HDAC9: variants seen among roughly 807,000 people sequenced by gnomAD.
HDAC9 encodes histone deacetylase 9.
In HDAC9, 41 loss-of-function variants were observed where a neutral mutation model predicts 139.4. That is an observed-to-expected ratio of 0.29 (90% CI 0.23 to 0.38). HDAC9 has a LOEUF of 0.38. Among genes scored for constraint, HDAC9 ranks in the 10% least tolerant of loss-of-function variants. The pLI, the probability that HDAC9 is intolerant of heterozygous loss-of-function variation, is 1.00. For synonymous variants in HDAC9, 517 were observed against 476.2 expected, an observed-to-expected ratio of 1.09 and a Z score of -1.12; for missense variants, 1,147 against 1,297.0, an observed-to-expected ratio of 0.88 and a Z score of 1.78.
At chr7:18,363,114 T>C (rs973343) in intron 1 of HDAC9, among the ~76,000 whole-genome samples, 3,788 of 152,250 alleles carry the variant, frequency 0.025, 68 homozygotes, top group Middle Eastern at 0.037. Context: ...ATTACAACCA[T>C]TAGTTATAAT....
chr7:18,289,531 T>C (rs1035827115), upstream of HDAC9, among the ~76,000 whole-genome samples: 1 of 152,188 alleles, frequency 6.6e-6, no homozygotes, highest in African/African-American at 2.4e-5. Flanking sequence ...TCCTAGCCAA[T>C]CAAAAGCAAG....
intron 2 of HDAC9, among the ~76,000 whole-genome samples, chr7:18,205,649 G>GA (rs1160172823): frequency 6.6e-6 from 1 of 151,982 alleles, no homozygotes; most frequent in Non-Finnish European, 1.5e-5. Context: ...AAATAACTTA[G>GA]AAAAATTTGA....
intron 2 of HDAC9, among the ~76,000 whole-genome samples, chr7:18,212,659 A>G (rs144171262): frequency 4.5e-4 from 68 of 152,334 alleles, no homozygotes; most frequent in African/African-American, 1.5e-3. Flanking sequence ...TGATTATTTC[A>G]TAAGACAGAG....
chr7:18,468,882 C>A (rs897459341), intron 1 of HDAC9, among the ~76,000 whole-genome samples: 15 of 152,140 alleles, frequency 9.9e-5, no homozygotes, highest in Admixed American at 3.3e-4. Context: ...TAAGTACAAA[C>A]CAAGAGACAC....
At chr7:18,279,132 G>T (rs1796933865) in intron 2 of HDAC9, among the ~76,000 whole-genome samples, 2 of 152,130 alleles carry the variant, frequency 1.3e-5, no homozygotes, top group South Asian at 4.1e-4. Context: ...CATAATAAAA[G>T]CTCGCTTACG....
In HDAC9 at chr7:18,221,465, T is replaced by C. The variant is rs188695880; in HGVS notation, c.25+59116T>C. Among the ~76,000 whole-genome samples the C allele has an allele frequency of 2.6e-5, 4 of 152,300 alleles. No individual in the cohort carries two copies. The East Asian group carries it at 7.7e-4, about 29-fold the overall frequency. On this transcript the variant is annotated intron_variant, in intron 2 of 12. Transcript: ENST00000417496. ...CAGACCTGCTGGAAAGGGAGTAGCA[T>C]TTATGAAACTCCTACATTGTATTAT...
intron 1 of HDAC9, among the ~76,000 whole-genome samples, chr7:18,466,858 G>C (rs2128115852): frequency 6.6e-6 from 1 of 152,286 alleles, no homozygotes; most frequent in East Asian, 1.9e-4. Context: ...TTACCTTTCT[G>C]AAGATCGTCT....
chr7:18,692,531 C>G (rs748286573), intron 12 of HDAC9, among the ~76,000 whole-genome samples: 1 of 151,976 alleles, frequency 6.6e-6, no homozygotes, highest in Non-Finnish European at 1.5e-5. Flanking sequence ...TAAAACAAAC[C>G]GTCTTTCCTT....
chr7:18,621,012 G>C (rs1189352802), intron 6 of HDAC9, among the ~76,000 whole-genome samples: 1 of 152,116 alleles, frequency 6.6e-6, no homozygotes, highest in African/African-American at 2.4e-5. Context: ...ACACCCAAGT[G>C]TCCAACATTG....
intron 23 of HDAC9, among the ~76,000 whole-genome samples, chr7:18,941,813 G>A (rs1782049595): frequency 6.6e-6 from 1 of 150,730 alleles, no homozygotes; most frequent in Non-Finnish European, 1.5e-5. Context: ...CAGTGTAGAT[G>A]TGGCCTGTGA....
At chr7:18,298,420 A>G (rs1394211156) in intron 1 of HDAC9, among the ~76,000 whole-genome samples, 1 of 151,930 alleles carries the variant, frequency 6.6e-6, no homozygotes, top group South Asian at 2.1e-4. Context: ...ATATCTTCCA[A>G]TGCTATCCCT....
chr7:19,001,717 A>G lies in HDAC9; in HGVS notation c.*5655A>G, dbSNP rs1220566037. The G allele has an allele frequency of 6.6e-6, 1 of 152,020 alleles. No individual in the cohort carries two copies. Among genetic ancestry groups the G allele is most frequent in the Non-Finnish European group, 1.5e-5 (1 of 67,938 alleles). The allele number at this position is 152,020 out of a possible 1,614,324, so 9.4% of individuals were successfully genotyped here. A position where few individuals can be genotyped will look rare whatever the true frequency, so the allele number is the denominator to read the frequency against. On this transcript the variant is annotated 3_prime_UTR_variant, in exon 26 of 26. Coordinates refer to ENST00000686413, the MANE Select transcript of HDAC9 (RefSeq NM_178425.4). ...AACGTCAGTGTCTACCTCCACAGTAACTATGATATAGGAAATTGTCCTTTC... is the reference window on the plus strand; with the variant it reads ...AACGTCAGTGTCTACCTCCACAGTAGCTATGATATAGGAAATTGTCCTTTC...
intron 2 of HDAC9, among the ~76,000 whole-genome samples, chr7:18,189,712 G>C (rs1790193965): frequency 6.6e-6 from 1 of 152,026 alleles, no homozygotes; most frequent in African/African-American, 2.4e-5. Context: ...CTGATGTGAT[G>C]ACACTTTGTC....
intron 1 of HDAC9, among the ~76,000 whole-genome samples, chr7:18,392,529 A>G (rs1033901352): frequency 3.3e-5 from 5 of 152,082 alleles, no homozygotes; most frequent in African/African-American, 9.7e-5. Context: ...TGATATTCTT[A>G]TAATTATTAT....
At chr7:18,623,696 C>T (rs1193828449) in intron 6 of HDAC9, among the ~76,000 whole-genome samples, 1 of 152,200 alleles carries the variant, frequency 6.6e-6, no homozygotes, top group Non-Finnish European at 1.5e-5. Context: ...GTAATCCCAA[C>T]ACTTTGGCAG....
chr7:18,358,766 G>A (rs992752018), intron 1 of HDAC9, among the ~76,000 whole-genome samples: 4 of 152,112 alleles, frequency 2.6e-5, no homozygotes, highest in Non-Finnish European at 5.9e-5. Context: ...TTTGATTCCT[G>A]GCTTTACCAC....
At chr7:18,092,579 G>GGCTCT (rs1782240315) in intron 1 of HDAC9, among the ~76,000 whole-genome samples, 2 of 152,006 alleles carry the variant, frequency 1.3e-5, no homozygotes, top group African/African-American at 4.8e-5. Context: ...TAAAAGAGAG[G>GGCTCT]ATTCTCCACA....
intron 12 of HDAC9, among the ~76,000 whole-genome samples, chr7:18,677,799 A>G (rs1322537366): frequency 1.3e-5 from 2 of 151,944 alleles, no homozygotes; most frequent in Non-Finnish European, 2.9e-5. Flanking sequence ...CTACTTTGTC[A>G]TTGGCCTTCC....
chr7:18,599,480 C>T (rs1435125706), intron 6 of HDAC9, among the ~76,000 whole-genome samples: 1 of 152,178 alleles, frequency 6.6e-6, no homozygotes, highest in Non-Finnish European at 1.5e-5. Flanking sequence ...CCCCACCCAA[C>T]TTTTGGTAAC....
Sources: gnomAD v4.1 joint callset for allele counts (sites outside exome capture counted in the v4.1 genomes callset) on GRCh38, gnomAD v4.1.1 for gene constraint, MANE v1.5 for transcripts, NCBI Gene and HGNC (gene_info 2026-07-23, HGNC 2026-07-21) for gene names.